Variants in PAPSS1 observed in about 807,000 individuals in gnomAD.
The protein encoded by PAPSS1 is bifunctional 3'-phosphoadenosine 5'-phosphosulfate synthase 1.
PAPSS1 carries 50 observed loss-of-function variants against 72.0 expected under a neutral mutation model. That is an observed-to-expected ratio of 0.69 (90% confidence interval 0.55 to 0.88). The LOEUF is 0.88. Ranked by LOEUF, PAPSS1 falls within the 40% of genes least tolerant of loss-of-function variation. PAPSS1 has a pLI of 0.00. For synonymous variants in PAPSS1, 261 were observed against 263.6 expected (o/e 0.99, Z 0.09); for missense variants, 657 against 782.2 (o/e 0.84, Z 1.91).
At chr4:107,714,281 C>A (rs1332636314) in intron 1 of PAPSS1, among the ~76,000 whole-genome samples, 2 of 152,186 alleles carry the variant, frequency 1.3e-5, no homozygotes, top group Admixed American at 6.5e-5. Flanking sequence ...TGCTCCCTCA[C>A]CATAAATTCC....
rs368663879 is a variant in PAPSS1 at position 107,656,844 on chromosome 4, T to G, written c.895+52A>C. 7.1e-4 allele frequency: 870 copies of G among 1,225,594 alleles called. 6 individuals are homozygous for G. In the Middle Eastern group the frequency reaches 0.012, roughly 17 times the overall value. The allele number at this position is 1,225,594 out of a possible 1,614,324, so 75.9% of individuals were successfully genotyped here. On this transcript the variant is annotated intron_variant, in intron 7 of 11. Coordinates refer to ENST00000265174, the MANE Select transcript of PAPSS1 (RefSeq NM_005443.5). ...GTAAACAGTGACAAATCTCTGCAAC[T>G]ATGTAATTTCTCTTCCACATACAAT...
At chr4:107,653,418 A>G (rs1263625902) in intron 9 of PAPSS1, 73 bp downstream of exon 9, 3 of 1,424,694 alleles carry the variant, frequency 2.1e-6, no homozygotes, top group East Asian at 4.7e-5. Context: ...ACATTTTCGT[A>G]AGCACTGGAA....
intron 5 of PAPSS1, among the ~76,000 whole-genome samples, chr4:107,667,788 C>T (rs1430278494): frequency 6.6e-6 from 1 of 152,112 alleles, no homozygotes; most frequent in Non-Finnish European, 1.5e-5. Flanking sequence ...GCAAAATGTG[C>T]CTCTTTCCAA....
chr4:107,689,510 T>A (rs6826884), intron 3 of PAPSS1, among the ~76,000 whole-genome samples: 75,297 of 152,020 alleles, frequency 0.5, 20,277 homozygotes, highest in South Asian at 0.64. Flanking sequence ...ACTCACTACA[T>A]ATGATCATAG....
chr4:107,614,261 C>T lies in PAPSS1; in HGVS notation c.1863G>A (p.Leu621=), dbSNP rs1328244580. The change falls in exon 12 of 12, where the codon TTG becomes TTA. Residue 621 remains leucine, a synonymous_variant. Transcript: ENST00000265174. ...WTVLTEYYKS[L]EKA ...CTGGGTTAACAGCCTAAGCTTTCTC[C>T]AAGGATTTGTAGTATTCTGTCAGCA... 6.2e-7 allele frequency: 1 copy of T among 1,612,994 alleles called. No homozygotes were observed. The highest frequency in any genetic ancestry group is 1.3e-5 in the African/African-American group (1 of 74,850).
chr4:107,650,878 G>C (rs1726820993), intron 9 of PAPSS1, among the ~76,000 whole-genome samples: 1 of 152,062 alleles, frequency 6.6e-6, no homozygotes, highest in Admixed American at 6.6e-5. Context: ...TCTGGCATAA[G>C]CCACACTGTC....
chr4:107,682,705 C>T (rs1403474823), intron 4 of PAPSS1, among the ~76,000 whole-genome samples: 1 of 152,138 alleles, frequency 6.6e-6, no homozygotes, highest in Non-Finnish European at 1.5e-5. Context: ...CAATTCTCTA[C>T]AGGACATGGA....
Position 107,620,058 on chromosome 4 carries a change from A to G in PAPSS1, c.1737-5671T>C, listed in dbSNP as rs556534798. 9.8e-5 allele frequency among the ~76,000 whole-genome samples: 15 copies of G among 152,352 alleles called. No homozygotes were observed. The South Asian group carries it at 3.1e-3, about 32-fold the overall frequency. The stretch of plus-strand genomic sequence containing the variant: ...CTCCACATACATGGCCATCAGAGCC[A>G]CCATTACAAGTTGCTCACATGGACA... On this transcript the variant is annotated intron_variant, in intron 11 of 11. Coordinates refer to ENST00000265174, the MANE Select transcript of PAPSS1 (RefSeq NM_005443.5).
At chr4:107,666,093 G>A (rs1000482567) in intron 5 of PAPSS1, among the ~76,000 whole-genome samples, 1 of 152,096 alleles carries the variant, frequency 6.6e-6, no homozygotes, top group African/African-American at 2.4e-5. Context: ...AACACCAAAC[G>A]ACATTCCGGC....
chr4:107,697,438 T>C (rs560827539), intron 2 of PAPSS1, among the ~76,000 whole-genome samples: 168 of 152,336 alleles, frequency 1.1e-3, no homozygotes, highest in African/African-American at 4.0e-3. Flanking sequence ...TTTTGAATTG[T>C]TGTTTTTAAC....
At chr4:107,673,964 G>C (rs1206309125) in intron 5 of PAPSS1, among the ~76,000 whole-genome samples, 1 of 152,118 alleles carries the variant, frequency 6.6e-6, no homozygotes, top group Admixed American at 6.5e-5. Context: ...ATAAGTGAAG[G>C]AGAAATAAAA....
At chr4:107,658,866 C>T (rs1727090389) in intron 6 of PAPSS1, among the ~76,000 whole-genome samples, 1 of 152,144 alleles carries the variant, frequency 6.6e-6, no homozygotes, top group South Asian at 2.1e-4. Flanking sequence ...TAGAAATAGG[C>T]ATGTGAGGAG....
chr4:107,694,522 T>C (rs1318146350), intron 2 of PAPSS1, among the ~76,000 whole-genome samples: 1 of 137,260 alleles, frequency 7.3e-6, no homozygotes, highest in East Asian at 2.5e-4. Context: ...GCAGACATGG[T>C]TGGGAATTCA....
At chr4:107,629,507 A>T (rs1362881500) in intron 11 of PAPSS1, among the ~76,000 whole-genome samples, 2 of 152,202 alleles carry the variant, frequency 1.3e-5, no homozygotes, top group Non-Finnish European at 2.9e-5. Context: ...TTTCCACTTG[A>T]CTGGTGCCAA....
chr4:107,653,423 C>G, intron 9 of PAPSS1, 68 bp downstream of exon 9: 1 of 1,478,680 alleles, frequency 6.8e-7, no homozygotes, highest in Non-Finnish European at 9.2e-7. Flanking sequence ...TTCGTAAGCA[C>G]TGGAAAAAAT....
At chr4:107,676,052 C>T (rs1034188350) in intron 5 of PAPSS1, among the ~76,000 whole-genome samples, 1 of 152,010 alleles carries the variant, frequency 6.6e-6, no homozygotes, top group African/African-American at 2.4e-5. Context: ...TAAGAGCTAT[C>T]TATGACAAAC....
At chr4:107,663,498 GTTCT>G (rs949996607) in intron 5 of PAPSS1, among the ~76,000 whole-genome samples, 3 of 152,170 alleles carry the variant, frequency 2.0e-5, no homozygotes, top group African/African-American at 7.2e-5. Flanking sequence ...ACCACTCATT[GTTCT>G]AAGAGCTTCA....
At chr4:107,718,945 AAAAGT>A (rs1239542691) in intron 1 of PAPSS1, among the ~76,000 whole-genome samples, 3 of 152,194 alleles carry the variant, frequency 2.0e-5, no homozygotes, top group Admixed American at 1.3e-4. Flanking sequence ...TGAGGTTCGA[AAAAGT>A]AAAGTGACTC....
chr4:107,667,037 C>T (rs781389293), intron 5 of PAPSS1, among the ~76,000 whole-genome samples: 7 of 152,140 alleles, frequency 4.6e-5, no homozygotes, highest in Non-Finnish European at 7.4e-5. Context: ...AAGTCCAAGT[C>T]ACCATCACAG....
Sources: gnomAD v4.1 joint callset for allele counts (sites outside exome capture counted in the v4.1 genomes callset) on GRCh38, gnomAD v4.1.1 for gene constraint, MANE v1.5 for transcripts, NCBI Gene and HGNC (gene_info 2026-07-23, HGNC 2026-07-21) for gene names.